ARHGAP35: variants seen among roughly 807,000 people sequenced by gnomAD.
ARHGAP35 encodes the protein rho GTPase-activating protein 35.
In ARHGAP35, 15 loss-of-function variants were observed where a neutral mutation model predicts 111.1. The ratio of observed to expected loss-of-function variants is 0.13; its 90% CI spans 0.09 to 0.21. The LOEUF (loss-of-function observed/expected upper bound fraction) is 0.21. ARHGAP35 is among the 10% of genes least tolerant of loss of function. The pLI, the probability that ARHGAP35 is intolerant of heterozygous loss-of-function variation, is 1.00. For missense variants in ARHGAP35, 1,262 were observed against 1,873.0 expected, an observed-to-expected ratio of 0.67 and a Z score of 6.02; for synonymous variants, 643 against 710.3, an observed-to-expected ratio of 0.91 and a Z score of 1.51.
Position 46,878,579 on chromosome 19 carries a change from G to T in ARHGAP35, c.-189+17370G>T, listed in dbSNP as rs113960268. 6.5e-3 allele frequency among the ~76,000 whole-genome samples: 984 copies of T among 152,262 alleles called. 6 individuals are homozygous for T. Among genetic ancestry groups the T allele is most frequent in the Middle Eastern group, 0.02 (6 of 294 alleles). ...AGTGATTTGCCCACCTCGGCCTCCG[G>T]AAGTGCTGGGTTTATAGGCCGGAGC... On this transcript the variant is annotated intron_variant, in intron 1 of 6. Coordinates refer to ENST00000672722, the MANE Select transcript of ARHGAP35 (RefSeq NM_004491.5).
In ARHGAP35 at chr19:46,986,953, C is replaced by T. The variant is rs963726064; in HGVS notation, c.3827-1036C>T. 3.9e-5 allele frequency among the ~76,000 whole-genome samples: 6 copies of T among 152,266 alleles called. No homozygotes were observed. The highest frequency in any genetic ancestry group is 7.3e-5 in the Non-Finnish European group (5 of 68,032). On this transcript the variant is annotated intron_variant, in intron 3 of 6. Coordinates refer to ENST00000672722, the MANE Select transcript of ARHGAP35 (RefSeq NM_004491.5). The surrounding 1 kb of genome is among the most constrained non-coding windows in gnomAD (Gnocchi z 4.3). ...AAGCAATTCTTCTGCCTCAGCCTCC[C>T]GAGTAGCTGGGATTATAGGCATGTG...
intron 3 of ARHGAP35, among the ~76,000 whole-genome samples, chr19:46,969,967 G>A (rs1372177803): frequency 6.6e-6 from 1 of 152,176 alleles, no homozygotes; most frequent in African/African-American, 2.4e-5. Flanking sequence ...CCGCTGCCTG[G>A]CTTCTCTGTT....
At chr19:46,873,148 G>A (rs1319332627) in intron 1 of ARHGAP35, among the ~76,000 whole-genome samples, 1 of 152,080 alleles carries the variant, frequency 6.6e-6, no homozygotes, top group Non-Finnish European at 1.5e-5. Context: ...AGTTTCCAGA[G>A]TGCTTTTTTA....
intron 3 of ARHGAP35, among the ~76,000 whole-genome samples, chr19:46,973,080 A>G (rs1369971703): frequency 1.3e-5 from 2 of 152,150 alleles, no homozygotes; most frequent in Non-Finnish European, 2.9e-5. Flanking sequence ...AAATTGAGAC[A>G]GGTCGGCTGC....
chr19:46,905,694 C>T (rs2056104092), intron 1 of ARHGAP35, among the ~76,000 whole-genome samples: 1 of 152,176 alleles, frequency 6.6e-6, no homozygotes, highest in South Asian at 2.1e-4. Flanking sequence ...GGACTACAGG[C>T]ACATGCCACC....
intron 1 of ARHGAP35, among the ~76,000 whole-genome samples, chr19:46,865,707 C>CTGGTCGA (rs1236519026): frequency 2.0e-5 from 3 of 152,200 alleles, no homozygotes; most frequent in Non-Finnish European, 2.9e-5. Context: ...TCCATCTAGT[C>CTGGTCGA]TGGTCTGCTT....
In ARHGAP35 at chr19:47,001,264, C is replaced by T. The variant is rs759370015; in HGVS notation, c.*576C>T. The T allele has an allele frequency of 1.7e-4, 225 of 1,289,622 alleles. No homozygotes were observed. The highest frequency in any genetic ancestry group is 6.9e-5 in the Admixed American group (3 of 43,456). The allele number at this position is 1,289,622 out of a possible 1,614,324, so 79.9% of individuals were successfully genotyped here. ...GCGCTGGCTCTGCAGATCAGAACAACGGAGGATAGCTTTGTGCCTGGACCC... is the reference window on the plus strand; with the variant it reads ...GCGCTGGCTCTGCAGATCAGAACAATGGAGGATAGCTTTGTGCCTGGACCC... On this transcript the variant is annotated 3_prime_UTR_variant, in exon 7 of 7. Transcript: ENST00000672722. The surrounding 1 kb of genome is among the most constrained non-coding windows in gnomAD (Gnocchi z 5.4).
intron 1 of ARHGAP35, among the ~76,000 whole-genome samples, chr19:46,881,943 T>C (rs1040722813): frequency 2.6e-4 from 40 of 152,010 alleles, no homozygotes; most frequent in African/African-American, 8.0e-4. Context: ...ATTTATGTTA[T>C]GGAGGTGGCT....
At chr19:46,966,024 A>C (rs2056513208) in intron 3 of ARHGAP35, among the ~76,000 whole-genome samples, 1 of 152,176 alleles carries the variant, frequency 6.6e-6, no homozygotes, top group Non-Finnish European at 1.5e-5. Flanking sequence ...TATTAGTTGG[A>C]AACCCTCAGT....
At chr19:46,884,392 A>G (rs1489507100) in intron 1 of ARHGAP35, among the ~76,000 whole-genome samples, 1 of 152,126 alleles carries the variant, frequency 6.6e-6, no homozygotes, top group Non-Finnish European at 1.5e-5. Context: ...GTATATACTT[A>G]TAATTCTCAT....
chr19:46,861,264 C>T (rs2055824668), intron 1 of ARHGAP35, among the ~76,000 whole-genome samples, 55 bp downstream of exon 1: 1 of 150,518 alleles, frequency 6.6e-6, no homozygotes, highest in Admixed American at 6.6e-5. Flanking sequence ...CGCCCCGCTG[C>T]GGGGTCCAGG....
intron 1 of ARHGAP35, among the ~76,000 whole-genome samples, chr19:46,916,444 A>G (rs1476032605): frequency 6.6e-6 from 1 of 151,250 alleles, no homozygotes; most frequent in East Asian, 2.0e-4. Flanking sequence ...AACTTCCTAC[A>G]GAAAGGCTTT....
intron 1 of ARHGAP35, among the ~76,000 whole-genome samples, chr19:46,906,975 G>C (rs532813972): frequency 6.6e-6 from 1 of 152,188 alleles, no homozygotes; most frequent in South Asian, 2.1e-4. Flanking sequence ...TGTAGTCCCA[G>C]CTACTCTGGC....
chr19:46,893,175 C>T (rs2122155417), intron 1 of ARHGAP35, among the ~76,000 whole-genome samples: 1 of 152,092 alleles, frequency 6.6e-6, no homozygotes, highest in South Asian at 2.1e-4. Context: ...CTTGGGAAAC[C>T]CTTAGAGTTT....
chr19:46,921,641 T>C lies in ARHGAP35; in HGVS notation c.2966T>C (p.Ile989Thr), dbSNP rs377523847. The part of the protein sequence containing the change: ...NSNLQDSEED[I>T]EPSYSLFRED... Reference sequence around the variant, plus strand: ...AACCTGCAGGATTCAGAAGAAGATATCGAGCCATCTTACAGCCTGTTTCGA... The same window carrying C: ...AACCTGCAGGATTCAGAAGAAGATACCGAGCCATCTTACAGCCTGTTTCGA... The change falls in exon 2 of 7, where the codon ATC (isoleucine) becomes ACC (threonine). Residue 989 changes from isoleucine to threonine, a missense_variant. This residue lies in a region of ARHGAP35 where 579 missense variants were observed against 716.9 expected (regional missense o/e 0.81). Transcript: ENST00000672722. This position sits in a 1 kb window ranked among gnomAD's most constrained non-coding sequence, Gnocchi z 4.3. 65 of 1,613,914 alleles carry C rather than the reference T, an allele frequency of 4.0e-5. No homozygotes were observed. The African/African-American group carries it at 5.7e-4, about 14-fold the overall frequency.
At chr19:46,937,550 G>A in intron 3 of ARHGAP35, 142 bp downstream of exon 3, 1 of 904,608 alleles carries the variant, frequency 1.1e-6, no homozygotes, top group East Asian at 2.5e-5. Context: ...AGTCCCAACA[G>A]TTGTCAGATG....
chr19:46,988,838 A>C lies in ARHGAP35; in HGVS notation c.3905-706A>C, dbSNP rs1483437660. The C allele has an allele frequency of 6.5e-6, 1 of 153,374 alleles. No homozygotes were observed. The highest frequency in any genetic ancestry group is 1.5e-5 in the Non-Finnish European group (1 of 68,932). The allele number at this position is 153,374 out of a possible 1,614,324, so 9.5% of individuals were successfully genotyped here. A position where few individuals can be genotyped will look rare whatever the true frequency, so the allele number is the denominator to read the frequency against. On this transcript the variant is annotated intron_variant, in intron 4 of 6. Transcript: ENST00000672722. The surrounding 1 kb of genome is among the most constrained non-coding windows in gnomAD (Gnocchi z 5.4). ...CAGCAGGCAGAGGGGACCGCAGGACAGGGAAACGCCTGCTAATCTGTGGGA... is the reference window on the plus strand; with the variant it reads ...CAGCAGGCAGAGGGGACCGCAGGACCGGGAAACGCCTGCTAATCTGTGGGA...
In ARHGAP35 at chr19:46,864,904, G is replaced by A. The variant is rs534039089; in HGVS notation, c.-189+3695G>A. ...CAGATAATTAAGAATAAAAACAACT[G>A]TGTATGCAGTACTGCTTAAATGTGT... On this transcript the variant is annotated intron_variant, in intron 1 of 6. Coordinates refer to ENST00000672722, the MANE Select transcript of ARHGAP35 (RefSeq NM_004491.5). Among the ~76,000 whole-genome samples, 15 of 152,328 alleles carry A rather than the reference G, an allele frequency of 9.8e-5. No individual in the cohort carries two copies. In the South Asian group the frequency reaches 3.1e-3, roughly 32 times the overall value.
At chr19:46,877,989 T>A (rs191052829) in intron 1 of ARHGAP35, among the ~76,000 whole-genome samples, 2 of 152,148 alleles carry the variant, frequency 1.3e-5, no homozygotes, top group East Asian at 3.9e-4. Flanking sequence ...ATTACAGGCA[T>A]TAGCCACCGC....
Sources: gnomAD v4.1 joint callset for allele counts (sites outside exome capture counted in the v4.1 genomes callset) on GRCh38, gnomAD v4.1.1 for gene constraint, gnomAD v4.1.1 regional missense constraint, Gnocchi (gnomAD v3.1) non-coding constraint, MANE v1.5 for transcripts, NCBI Gene and HGNC (gene_info 2026-07-23, HGNC 2026-07-21) for gene names.